The following FAM184B variants were observed in gnomAD, a reference collection of about 807,000 sequenced individuals.
FAM184B encodes the protein protein FAM184B.
FAM184B carries 111 observed loss-of-function variants against 135.9 expected under a neutral mutation model. The observed-to-expected ratio is 0.82, with a 90% CI of 0.70 to 0.96. The LOEUF (loss-of-function observed/expected upper bound fraction) is 0.96. Ranked by LOEUF, FAM184B falls within the 40% of genes least tolerant of loss-of-function variation. The pLI is 0.00. For synonymous variants in FAM184B, 552 were observed against 524.8 expected, an observed-to-expected ratio of 1.05 and a Z score of -0.71; for missense variants, 1,375 against 1,323.9, an observed-to-expected ratio of 1.04 and a Z score of -0.60.
chr4:17,760,177 T>C (rs1718513392), intron 1 of FAM184B, among the ~76,000 whole-genome samples: 1 of 152,108 alleles, frequency 6.6e-6, no homozygotes, highest in Non-Finnish European at 1.5e-5. Context: ...GATTAAGAAC[T>C]GAAATCCGCT....
At chr4:17,753,105 C>T (rs1480260546) in intron 1 of FAM184B, among the ~76,000 whole-genome samples, 2 of 152,212 alleles carry the variant, frequency 1.3e-5, no homozygotes, top group South Asian at 2.1e-4. Flanking sequence ...CCTGCCCTGA[C>T]ATTTCGTCAT....
chr4:17,688,388 A>G lies in FAM184B; in HGVS notation c.1596+36T>C, dbSNP rs1015748086. 3 of 1,468,226 alleles carry G rather than the reference A, an allele frequency of 2.0e-6. No individual in the cohort carries two copies. In the Admixed American group the frequency reaches 6.3e-5, roughly 31 times the overall value. 90.9% of individuals were successfully genotyped at this position (1,468,226 alleles called of 1,614,324 possible). A position where few individuals can be genotyped will look rare whatever the true frequency, so the allele number is the denominator to read the frequency against. ...TGAAAGGCTGAGACCGAGAAAAGAA[A>G]TATCTTTAATTAAATCTGACAAAGC... On this transcript the variant is annotated intron_variant, in intron 7 of 17. Transcript: ENST00000265018.
In FAM184B at chr4:17,705,058, G is replaced by A; in HGVS notation, c.1319C>T (p.Thr440Ile). The A allele has an allele frequency of 6.4e-7, 1 of 1,551,724 alleles. No individual in the cohort carries two copies. Among genetic ancestry groups the A allele is most frequent in the Non-Finnish European group, 8.7e-7 (1 of 1,147,002 alleles). ...KRLEDLVKKH[T>I]VEIKSVRSSV... is the part of the protein sequence containing the mutation. The stretch of plus-strand genomic sequence containing the variant: ...CGAGCGAACGGATTTGATTTCCACG[G>A]TGTGCTTCTTTACCAAGTCTTCTAG... Residue 440 changes from threonine to isoleucine, a missense_variant, in exon 5 of 18, where the codon ACC becomes ATC. Physicochemically the swap from Thr to Ile is moderately conservative, Grantham distance 89 (BLOSUM62 -1). Coordinates refer to ENST00000265018, the MANE Select transcript of FAM184B (RefSeq NM_015688.2).
chr4:17,752,184 G>C (rs1451746709), intron 1 of FAM184B, among the ~76,000 whole-genome samples: 1 of 152,128 alleles, frequency 6.6e-6, no homozygotes, highest in African/African-American at 2.4e-5. Flanking sequence ...GGAACTGAGG[G>C]ACTTAGTGCC....
At chr4:17,634,132 C>T (rs1178286415) in intron 16 of FAM184B, 2 of 331,998 alleles carry the variant, frequency 6.0e-6, no homozygotes, top group Admixed American at 4.9e-5. Flanking sequence ...TGTTTTGCAA[C>T]TCAATTTTGT....
intron 1 of FAM184B, among the ~76,000 whole-genome samples, chr4:17,717,025 G>A (rs1182146809): frequency 2.0e-5 from 3 of 152,012 alleles, no homozygotes; most frequent in Non-Finnish European, 4.4e-5. Context: ...TGGCCAGGCT[G>A]GTCTAGATCT....
At chr4:17,774,011 A>G (rs1261650304) in intron 1 of FAM184B, among the ~76,000 whole-genome samples, 2 of 152,222 alleles carry the variant, frequency 1.3e-5, no homozygotes, top group Non-Finnish European at 2.9e-5. Flanking sequence ...GAAAATGGGA[A>G]TTGGAGAATC....
chr4:17,721,104 G>C (rs1281067361), intron 1 of FAM184B, among the ~76,000 whole-genome samples: 1 of 151,874 alleles, frequency 6.6e-6, no homozygotes, highest in South Asian at 2.1e-4. Flanking sequence ...AAAAATCTCG[G>C]CTGGGCGCGG....
At chr4:17,734,284 G>T (rs965976282) in intron 1 of FAM184B, among the ~76,000 whole-genome samples, 4 of 152,316 alleles carry the variant, frequency 2.6e-5, no homozygotes, top group African/African-American at 9.6e-5. Context: ...AGGACTTCAT[G>T]TCTAAAACAC....
chr4:17,653,930 G>GAGAGAGAGAGAGA (rs1402544369), intron 10 of FAM184B, among the ~76,000 whole-genome samples: 3 of 135,880 alleles, frequency 2.2e-5, no homozygotes, highest in Non-Finnish European at 3.2e-5. Flanking sequence ...GGGAGGGGGA[G>GAGAGAGAGAGAGA]GGGGATTTGA....
chr4:17,664,719 T>C, intron 7 of FAM184B, 60 bp from the exon 8 acceptor site: 3 of 1,349,664 alleles, frequency 2.2e-6, no homozygotes, highest in Non-Finnish European at 3.0e-6. Flanking sequence ...AAGTACAGCT[T>C]CATGATTCAA....
chr4:17,673,868 C>G (rs951381725), intron 7 of FAM184B, among the ~76,000 whole-genome samples: 20 of 152,076 alleles, frequency 1.3e-4, no homozygotes, highest in African/African-American at 4.8e-4. Context: ...TGCTAAAGAA[C>G]TTACTCATGT....
chr4:17,687,138 G>A (rs930852725), intron 7 of FAM184B, among the ~76,000 whole-genome samples: 1 of 152,202 alleles, frequency 6.6e-6, no homozygotes, highest in South Asian at 2.1e-4. Flanking sequence ...CGGGGCCTGA[G>A]CCCTGGAAGA....
chr4:17,650,376 T>G (rs1421824685), intron 11 of FAM184B, among the ~76,000 whole-genome samples: 2 of 152,228 alleles, frequency 1.3e-5, no homozygotes, highest in Non-Finnish European at 2.9e-5. Context: ...GCTTGCACCT[T>G]CCCTTGAAGC....
chr4:17,758,961 G>C (rs1289625374), intron 1 of FAM184B, among the ~76,000 whole-genome samples: 1 of 152,132 alleles, frequency 6.6e-6, no homozygotes. Context: ...CTTTTGGCCA[G>C]TTCAGAACTT....
chr4:17,708,687 A>AG (rs1330655076), intron 2 of FAM184B, among the ~76,000 whole-genome samples: 1 of 49,868 alleles, frequency 2.0e-5, no homozygotes, highest in Non-Finnish European at 3.6e-5. Flanking sequence ...ATATATATAT[A>AG]TATATATATA....
chr4:17,667,772 C>T (rs1716089112), intron 7 of FAM184B, among the ~76,000 whole-genome samples: 1 of 152,234 alleles, frequency 6.6e-6, no homozygotes, highest in Non-Finnish European at 1.5e-5. Flanking sequence ...AAGCAGCAGT[C>T]ATTTCCTTGT....
At chr4:17,778,434 A>T (rs994620357) in intron 1 of FAM184B, among the ~76,000 whole-genome samples, 1 of 152,242 alleles carries the variant, frequency 6.6e-6, no homozygotes, top group Non-Finnish European at 1.5e-5. Flanking sequence ...CTATTAAAGG[A>T]TGGACTTCAG....
intron 14 of FAM184B, among the ~76,000 whole-genome samples, chr4:17,639,030 C>T (rs1715230531): frequency 6.6e-6 from 1 of 152,236 alleles, no homozygotes; most frequent in African/African-American, 2.4e-5. Flanking sequence ...GATGGGGTTT[C>T]GCCATGTTGG....
Sources: gnomAD v4.1 joint callset for allele counts (sites outside exome capture counted in the v4.1 genomes callset) on GRCh38, gnomAD v4.1.1 for gene constraint, MANE v1.5 for transcripts, NCBI Gene and HGNC (gene_info 2026-07-23, HGNC 2026-07-21) for gene names.